Variants in NOL9 observed in about 807,000 individuals in gnomAD.
NOL9 encodes the protein nucleolar protein 9.
In NOL9, 28 loss-of-function variants were observed where a neutral mutation model predicts 67.9. The observed-to-expected ratio is 0.41, with a 90% CI of 0.31 to 0.57. NOL9 has a LOEUF of 0.57. NOL9 is among the 20% of genes least tolerant of loss of function. The pLI, the probability that NOL9 is intolerant of heterozygous loss-of-function variation, is 0.25. For synonymous variants in NOL9, 356 were observed against 352.2 expected (o/e 1.01, Z -0.12); for missense variants, 777 against 897.0 (o/e 0.87, Z 1.71).
intron 10 of NOL9, among the ~76,000 whole-genome samples, chr1:6,528,770 C>A (rs1447191334): frequency 6.6e-6 from 1 of 152,194 alleles, no homozygotes; most frequent in Non-Finnish European, 1.5e-5. Context: ...GAGGGCCAAG[C>A]CCAGGCCCTT....
chr1:6,550,846 G>C (rs754338078), intron 1 of NOL9, among the ~76,000 whole-genome samples: 1 of 152,032 alleles, frequency 6.6e-6, no homozygotes, highest in Non-Finnish European at 1.5e-5. Context: ...ACCACGCCCG[G>C]CTAATTTTGT....
intron 11 of NOL9, 111 bp from the exon 12 acceptor site, chr1:6,526,114 G>A: frequency 1.1e-6 from 1 of 948,420 alleles, no homozygotes; most frequent in Non-Finnish European, 1.7e-6. Flanking sequence ...TCTGGGTGGG[G>A]ACTTCTCACT....
rs904898678 is a variant in NOL9, at chr1:6,522,249, A to G, written c.*3605T>C. 4 of 152,084 alleles carry G rather than the reference A, an allele frequency of 2.6e-5. No homozygotes were observed. The highest frequency in any genetic ancestry group is 9.7e-5 in the African/African-American group (4 of 41,408). 9.4% of individuals were successfully genotyped at this position (152,084 alleles called of 1,614,324 possible). ...TAATCCCGGATACTTTGAAAATTAC[A>G]TACAAAAATTACTAAGAGGCCCAGG... On this transcript the variant is annotated 3_prime_UTR_variant, in exon 12 of 12. Coordinates refer to ENST00000377705, the MANE Select transcript of NOL9 (RefSeq NM_024654.5).
intron 6 of NOL9, chr1:6,541,091 A>G (rs1048777213): frequency 2.2e-5 from 3 of 139,348 alleles, no homozygotes; most frequent in Admixed American, 8.1e-5. Context: ...ATCTTGGCTC[A>G]CTGCAACCTC....
intron 1 of NOL9, among the ~76,000 whole-genome samples, chr1:6,553,244 G>GCC (rs1639581722): frequency 6.6e-6 from 1 of 152,156 alleles, no homozygotes; most frequent in African/African-American, 2.4e-5. Context: ...CCCACAGCTT[G>GCC]CCAAGTCTCT....
At chr1:6,532,337 G>GT (rs1328092896) in intron 8 of NOL9, 126 bp downstream of exon 8, 6 of 901,362 alleles carry the variant, frequency 6.7e-6, no homozygotes, top group Non-Finnish European at 1.0e-5. Context: ...GTTCGTCTTT[G>GT]TGCATGCACA....
intron 5 of NOL9, among the ~76,000 whole-genome samples, chr1:6,542,156 CTT>C (rs1464217133): frequency 1.1e-5 from 1 of 87,258 alleles, no homozygotes; most frequent in Non-Finnish European, 2.3e-5. Flanking sequence ...ACAACTTGCT[CTT>C]TCAGATTTTT....
At position 6,525,767 on chromosome 1, in the gene NOL9, C is replaced by T. The variant is rs1381786307; in HGVS notation, c.*87G>A. On this transcript the variant is annotated 3_prime_UTR_variant, in exon 12 of 12. Transcript: ENST00000377705. ...TGCTAATAAGGGCACCATTCATGGC[C>T]ATGAAACTCCATCATGTCTCTTGTG... is the stretch of plus-strand genomic sequence containing the variant. The T allele has an allele frequency of 2.1e-6, 3 of 1,396,774 alleles. No homozygotes were observed. The East Asian group carries it at 6.9e-5, about 32-fold the overall frequency. The allele number at this position is 1,396,774 out of a possible 1,614,324, so 86.5% of individuals were successfully genotyped here.
At chr1:6,542,537 A>G (rs1639319151) in intron 5 of NOL9, among the ~76,000 whole-genome samples, 1 of 148,414 alleles carries the variant, frequency 6.7e-6, no homozygotes, top group African/African-American at 2.5e-5. Context: ...GGCTCACTAT[A>G]ACCTCCGTCT....
At chr1:6,546,907 C>A (rs1167791329) in intron 3 of NOL9, among the ~76,000 whole-genome samples, 2 of 152,258 alleles carry the variant, frequency 1.3e-5, no homozygotes, top group African/African-American at 4.8e-5. Flanking sequence ...AGGCTCTTGA[C>A]CCCATTCCAA....
At position 6,541,010 on chromosome 1, in the gene NOL9, C is replaced by CTTTTTTTTTTTTTTT. The variant is rs1287698159; in HGVS notation, c.1075+819_1075+820insAAAAAAAAAAAAAAA. 8.1e-5 allele frequency: 10 copies of CTTTTTTTTTTTTTTT among 123,092 alleles called. 5 individuals are homozygous for CTTTTTTTTTTTTTTT. The highest frequency in any genetic ancestry group is 6.6e-5 in the Non-Finnish European group (4 of 60,462). The allele number at this position is 123,092 out of a possible 1,614,324, so 7.6% of individuals were successfully genotyped here. A position where few individuals can be genotyped will look rare whatever the true frequency, so the allele number is the denominator to read the frequency against. On this transcript the variant is annotated intron_variant, in intron 6 of 11. Transcript: ENST00000377705. Reference sequence around the variant, plus strand: ...ATAAAATCTGTAGACTGGTTAACAGCGTTTTTTTTTTTTTTTTTTTTTTTG... The same window carrying CTTTTTTTTTTTTTTT: ...ATAAAATCTGTAGACTGGTTAACAGCTTTTTTTTTTTTTTTGTTTTTTTTTTTTTTTTTTTTTTTG...
chr1:6,538,463 G>C (rs1344106829), intron 6 of NOL9, among the ~76,000 whole-genome samples: 1 of 152,202 alleles, frequency 6.6e-6, no homozygotes, highest in Non-Finnish European at 1.5e-5. Flanking sequence ...CCTGAGGTCA[G>C]GAGTTCGAGA....
chr1:6,550,274 G>A lies in NOL9; in HGVS notation c.616+122C>T, dbSNP rs562452182. ...TCTCGATCTCCTGACCTCATGATCC[G>A]CCCGCCTTGGCCTCCCAAAGTGCTG... On this transcript the variant is annotated intron_variant, in intron 2 of 11. Transcript: ENST00000377705. The A allele has an allele frequency of 7.0e-4, 531 of 756,896 alleles. 1 individual carries two copies. The highest frequency in any genetic ancestry group is 1.3e-3 in the South Asian group (81 of 62,734). The allele number at this position is 756,896 out of a possible 1,614,324, so 46.9% of individuals were successfully genotyped here. A position where few individuals can be genotyped will look rare whatever the true frequency, so the allele number is the denominator to read the frequency against.
At chr1:6,527,244 C>CAA (rs34234306) in intron 10 of NOL9, among the ~76,000 whole-genome samples, 2 of 101,618 alleles carry the variant, frequency 2.0e-5, no homozygotes, top group Non-Finnish European at 2.0e-5. Context: ...GAGACTGTCT[C>CAA]AAAAAAAAAA....
At chr1:6,553,799 G>A (rs1014226113) in intron 1 of NOL9, among the ~76,000 whole-genome samples, 1 of 152,050 alleles carries the variant, frequency 6.6e-6, no homozygotes, top group Non-Finnish European at 1.5e-5. Flanking sequence ...CCGAGATTGT[G>A]CCACTGCACT....
Position 6,524,120 on chromosome 1 carries a change from A to G in NOL9, c.*1734T>C, listed in dbSNP as rs937606835. 6.6e-6 allele frequency: 1 copy of G among 152,228 alleles called. No individual in the cohort carries two copies. The highest frequency in any genetic ancestry group is 1.5e-5 in the Non-Finnish European group (1 of 68,046). 9.4% of individuals were successfully genotyped at this position (152,228 alleles called of 1,614,324 possible). A position where few individuals can be genotyped will look rare whatever the true frequency, so the allele number is the denominator to read the frequency against. On this transcript the variant is annotated 3_prime_UTR_variant, in exon 12 of 12. Transcript: ENST00000377705. ...AGGGGCAACTAAGAAGCTAGACTCA[A>G]TTGTCTCAAAGGTATCAAAACTAAT...
chr1:6,550,006 A>G (rs1388883526), intron 2 of NOL9, among the ~76,000 whole-genome samples: 1 of 151,506 alleles, frequency 6.6e-6, no homozygotes, highest in Non-Finnish European at 1.5e-5. Flanking sequence ...TCCTTAGCAC[A>G]CTGCCTAGAC....
chr1:6,544,544 C>CGCACACACA (rs61278197), intron 5 of NOL9, among the ~76,000 whole-genome samples: 6 of 118,708 alleles, frequency 5.1e-5, no homozygotes, highest in Admixed American at 8.9e-5. Context: ...CACACACGCA[C>CGCACACACA]CCCCCCCCCG....
At chr1:6,539,308 T>C (rs553766249) in intron 6 of NOL9, among the ~76,000 whole-genome samples, 1 of 152,262 alleles carries the variant, frequency 6.6e-6, no homozygotes, top group South Asian at 2.1e-4. Flanking sequence ...GGTATACACC[T>C]GAAAGAACTG....
Sources: allele counts gnomAD v4.1 joint callset (sites outside exome capture counted in the v4.1 genomes callset), GRCh38; gene constraint gnomAD v4.1.1; transcripts MANE v1.5; gene names NCBI Gene and HGNC (gene_info 2026-07-23, HGNC 2026-07-21).